Variants in CLN5 observed in about 807,000 individuals in gnomAD.
CLN5 encodes CLN5 lysosomal BMP synthase.
CLN5 carries 34 observed loss-of-function variants against 36.7 expected under a neutral mutation model. That is an observed-to-expected ratio of 0.93 (90% confidence interval 0.71 to 1.23). CLN5 has a LOEUF of 1.23. Ranked by LOEUF, CLN5 falls within the 50% of genes most tolerant of loss-of-function variation. The pLI is 0.00. For missense variants in CLN5, 427 were observed against 439.4 expected (o/e 0.97, Z 0.25); for synonymous variants, 151 against 155.1 (o/e 0.97, Z 0.20).
intron 3 of CLN5, chr13:76,997,009 G>T (rs2034279557): frequency 6.6e-6 from 1 of 152,048 alleles, no homozygotes; most frequent in African/African-American, 2.4e-5. Flanking sequence ...GAGTGAGGCG[G>T]TATTACATTG....
Position 77,004,377 on chromosome 13 carries a change from A to G in CLN5, c.*3408A>G, listed in dbSNP as rs185860084. 1.2e-4 allele frequency: 19 copies of G among 152,312 alleles called. No individual in the cohort carries two copies. The highest frequency in any genetic ancestry group is 1.2e-3 in the Admixed American group (18 of 15,296). 9.4% of individuals were successfully genotyped at this position (152,312 alleles called of 1,614,324 possible). A position where few individuals can be genotyped will look rare whatever the true frequency, so the allele number is the denominator to read the frequency against. ...AAAGTGTTTCCAGCATCTTCGTCAT[A>G]TTTACCCTTTATTATCCAAGTGGTT... On this transcript the variant is annotated 3_prime_UTR_variant, in exon 4 of 4. Transcript: ENST00000377453.
rs1593917212 is a variant in CLN5, at chr13:77,003,277, A to C, written c.*2308A>C. The C allele has an allele frequency of 6.6e-6, 1 of 152,098 alleles. No individual in the cohort carries two copies. The highest frequency in any genetic ancestry group is 2.4e-5 in the African/African-American group (1 of 41,396). The allele number at this position is 152,098 out of a possible 1,614,324, so 9.4% of individuals were successfully genotyped here. On this transcript the variant is annotated 3_prime_UTR_variant, in exon 4 of 4. Transcript: ENST00000377453. ...CAGTGAGCTGAGATGGCGCCACTGC[A>C]CTCCAGCCTGGGCGACAGAGCGAGA...
chr13:76,998,156 C>G (rs990728983), intron 3 of CLN5: 2 of 152,220 alleles, frequency 1.3e-5, no homozygotes, highest in Non-Finnish European at 2.9e-5. Context: ...TACATTGCCT[C>G]CCAAAATGTA....
chr13:76,992,326 G>GT, intron 1 of CLN5, 55 bp downstream of exon 1: 29 of 932,358 alleles, frequency 3.1e-5, no homozygotes, highest in Non-Finnish European at 4.1e-5. Context: ...GACGATGGGG[G>GT]ATGGGGTGCT....
At chr13:76,999,037 G>T (rs985908291) in intron 3 of CLN5, 1 of 152,116 alleles carries the variant, frequency 6.6e-6, no homozygotes, top group Admixed American at 6.5e-5. Flanking sequence ...TATTTGCCTT[G>T]TGAATAATCC....
intron 1 of CLN5, 55 bp from the exon 2 acceptor site, chr13:76,995,008 A>T: frequency 6.5e-7 from 1 of 1,541,188 alleles, no homozygotes; most frequent in Non-Finnish European, 8.9e-7. Flanking sequence ...AAAAGACGTG[A>T]GAAGAATCAG....
At chr13:76,994,284 C>T (rs558051889) in intron 1 of CLN5, 5 of 152,320 alleles carry the variant, frequency 3.3e-5, no homozygotes, top group Admixed American at 1.3e-4. Context: ...CCGTACCTAC[C>T]GGAGACCAAA....
chr13:76,997,227 A>G (rs1024884804), intron 3 of CLN5: 4 of 151,856 alleles, frequency 2.6e-5, no homozygotes, highest in Non-Finnish European at 5.9e-5. Flanking sequence ...GCTTGCTGCA[A>G]CCTCCACCTC....
At position 76,995,154 on chromosome 13, in the gene CLN5, G is replaced by A. The variant is rs138110438; in HGVS notation, c.265G>A (p.Asp89Asn). 90 of 1,614,138 alleles carry A rather than the reference G, an allele frequency of 5.6e-5. No individual in the cohort carries two copies. The African/African-American group carries it at 1.1e-3, about 20-fold the overall frequency. ...TGSPIPVMEG[D>N]DDIEVFRLQA... ...CTCACCTATCCCAGTTATGGAGGGT[G>A]ATGATGACATTGAAGTTTTTCGATT... Residue 89 changes from aspartate to asparagine, a missense_variant, in exon 2 of 4, where the codon GAT becomes AAT. Coordinates refer to ENST00000377453, the MANE Select transcript of CLN5 (RefSeq NM_006493.4).
At position 77,000,685 on chromosome 13, in the gene CLN5, G is replaced by C. The variant is rs764495616; in HGVS notation, c.793G>C (p.Glu265Gln). The change falls in exon 4 of 4, where the codon GAA becomes CAA. Residue 265 changes from glutamate (E) to glutamine (Q), a missense_variant. Physicochemically the swap from Glu to Gln is conservative, Grantham distance 29. Transcript: ENST00000377453. Reference protein sequence around the residue: ...NYTRIFLYSGEPTYLGNETSV... With the variant: ...NYTRIFLYSGQPTYLGNETSV... ...TACAAGAATATTTCTTTACAGTGGAGAACCTACTTATCTGGGAAATGAAAC... is the reference window on the plus strand; with the variant it reads ...TACAAGAATATTTCTTTACAGTGGACAACCTACTTATCTGGGAAATGAAAC... The C allele has an allele frequency of 6.2e-7, 1 of 1,613,956 alleles. No individual in the cohort carries two copies. The highest frequency in any genetic ancestry group is 1.3e-5 in the African/African-American group (1 of 74,910).
intron 1 of CLN5, chr13:76,993,235 C>A (rs1473703174): frequency 1.3e-5 from 2 of 152,058 alleles, no homozygotes; most frequent in Non-Finnish European, 2.9e-5. Flanking sequence ...TGCCCACATG[C>A]CCTGAGTCAA....
At position 77,003,849 on chromosome 13, in the gene CLN5, AG is replaced by A. The variant is rs1200606599; in HGVS notation, c.*2882del. 2 of 152,274 alleles carry A rather than the reference AG, an allele frequency of 1.3e-5. No homozygotes were observed. The highest frequency in any genetic ancestry group is 4.8e-5 in the African/African-American group (2 of 41,450). The allele number at this position is 152,274 out of a possible 1,614,324, so 9.4% of individuals were successfully genotyped here. On this transcript the variant is annotated 3_prime_UTR_variant, in exon 4 of 4. Transcript: ENST00000377453. ...GTAGTCCCAGCTACTTGGGAGGCTG[AG>A]GCAGGAGAATCACTTGAATCCAGGA...
chr13:77,000,701 G>C lies in CLN5; in HGVS notation c.809G>C (p.Gly270Ala). Residue 270 changes from glycine to alanine, a missense_variant, in exon 4 of 4, where the codon GGA becomes GCA. Coordinates refer to ENST00000377453, the MANE Select transcript of CLN5 (RefSeq NM_006493.4). ...FLYSGEPTYL[G>A]NETSVFGPTG... ...TACAGTGGAGAACCTACTTATCTGG[G>C]AAATGAAACATCTGTTTTTGGGCCA... 1 of 1,613,870 alleles carries C rather than the reference G, an allele frequency of 6.2e-7. No individual in the cohort carries two copies. The highest frequency in any genetic ancestry group is 8.5e-7 in the Non-Finnish European group (1 of 1,179,810).
chr13:77,000,698 T>C lies in CLN5; in HGVS notation c.806T>C (p.Leu269Pro). 2 of 1,613,940 alleles carry C rather than the reference T, an allele frequency of 1.2e-6. No individual in the cohort carries two copies. The highest frequency in any genetic ancestry group is 1.1e-5 in the South Asian group (1 of 91,078). Residue 269 changes from leucine (L) to proline (P), a missense_variant, in exon 4 of 4, where the codon CTG (leucine) becomes CCG (proline). Leu to Pro is a moderately conservative substitution (Grantham distance 98, BLOSUM62 -3). Transcript: ENST00000377453. ...IFLYSGEPTY[L>P]GNETSVFGPT... ...CTTTACAGTGGAGAACCTACTTATC[T>C]GGGAAATGAAACATCTGTTTTTGGG...
In CLN5 at chr13:76,994,741, C is replaced by T; in HGVS notation, c.174-322C>T. The T allele has an allele frequency of 1.6e-5, 4 of 243,940 alleles. No individual in the cohort carries two copies. The South Asian group carries it at 2.7e-4, about 16-fold the overall frequency. The allele number at this position is 243,940 out of a possible 1,614,324, so 15.1% of individuals were successfully genotyped here. A position where few individuals can be genotyped will look rare whatever the true frequency, so the allele number is the denominator to read the frequency against. ...AAATTGAACACATTGGAAAAATGTT[C>T]ATTTATTCTGTAAACATTTGCAAAT... On this transcript the variant is annotated intron_variant, in intron 1 of 3. Coordinates refer to ENST00000377453, the MANE Select transcript of CLN5 (RefSeq NM_006493.4).
chr13:77,000,347 C>T (rs530787053), intron 3 of CLN5, 111 bp from the exon 4 acceptor site: 13 of 990,458 alleles, frequency 1.3e-5, no homozygotes, highest in Admixed American at 2.8e-5. Context: ...ATGTTACCAC[C>T]GCACTCTAGC....
intron 3 of CLN5, chr13:77,000,189 G>A (rs765648216): frequency 3.4e-5 from 7 of 207,336 alleles, no homozygotes; most frequent in Non-Finnish European, 4.8e-5. Flanking sequence ...GCAAGACCCC[G>A]TGTTGCCCAG....
At position 77,003,360 on chromosome 13, in the gene CLN5, A is replaced by T. The variant is rs2034394590; in HGVS notation, c.*2391A>T. The stretch of plus-strand genomic sequence containing the variant: ...TCATTGTTCCTAAGAATCTTAATTA[A>T]ATGAAGACAGAAAGCATCATAAAGT... On this transcript the variant is annotated 3_prime_UTR_variant, in exon 4 of 4. Coordinates refer to ENST00000377453, the MANE Select transcript of CLN5 (RefSeq NM_006493.4). The T allele has an allele frequency of 6.6e-6, 1 of 152,216 alleles. No homozygotes were observed. Among genetic ancestry groups the T allele is most frequent in the Non-Finnish European group, 1.5e-5 (1 of 68,036 alleles). 9.4% of individuals were successfully genotyped at this position (152,216 alleles called of 1,614,324 possible).
rs770903467 is a variant in CLN5 at position 76,992,151 on chromosome 13, G to A, written c.53G>A (p.Gly18Asp). 2 of 1,607,072 alleles carry A rather than the reference G, an allele frequency of 1.2e-6. No individual in the cohort carries two copies. Among genetic ancestry groups the A allele is most frequent in the South Asian group, 2.2e-5 (2 of 90,672 alleles). The change falls in exon 1 of 4, where the codon GGC becomes GAC. Residue 18 changes from glycine (G) to aspartate (D), a missense_variant. By Grantham distance (94) the Gly-to-Asp change is moderately conservative. Coordinates refer to ENST00000377453, the MANE Select transcript of CLN5 (RefSeq NM_006493.4). ...GGCGCCGAGATGCGGCGGGGCGCGGGCGCGGCTCGGGGACGCGCTTCCTGG... is the reference window on the plus strand; with the variant it reads ...GGCGCCGAGATGCGGCGGGGCGCGGACGCGGCTCGGGGACGCGCTTCCTGG... The part of the protein sequence containing the change: ...AQGAEMRRGA[G>D]AARGRASWCW...
Sources: allele counts gnomAD v4.1 joint callset, GRCh38; gene constraint gnomAD v4.1.1; transcripts MANE v1.5; gene names NCBI Gene and HGNC (gene_info 2026-07-23, HGNC 2026-07-21).